CCDC88C: variants seen among roughly 807,000 people sequenced by gnomAD.
CCDC88C encodes the protein coiled-coil and HOOK domain protein 88C, also known as protein Daple.
Under a neutral mutation model 198.8 loss-of-function variants are expected in CCDC88C, and 131 were observed. The ratio of observed to expected loss-of-function variants is 0.66; its 90% CI spans 0.57 to 0.76. The LOEUF (loss-of-function observed/expected upper bound fraction) is 0.76, where lower values mean the gene tolerates loss of function less well. CCDC88C is among the 30% of genes least tolerant of loss of function. The pLI is 0.00. For missense variants in CCDC88C, 2,553 were observed against 2,631.6 expected (o/e 0.97, Z 0.65); for synonymous variants, 1,166 against 1,114.7 (o/e 1.05, Z -0.92).
chr14:91,392,352 C>T (rs1373585834), intron 3 of CCDC88C, among the ~76,000 whole-genome samples: 1 of 152,062 alleles, frequency 6.6e-6, no homozygotes, highest in East Asian at 1.9e-4. Flanking sequence ...AGGTGGGAGT[C>T]GGTGGACATG....
chr14:91,369,701 G>C (rs1426594238), intron 3 of CCDC88C, among the ~76,000 whole-genome samples: 1 of 152,250 alleles, frequency 6.6e-6, no homozygotes, highest in Non-Finnish European at 1.5e-5. Context: ...CTTCGGGGCG[G>C]GGAGTCCTGG....
intron 4 of CCDC88C, among the ~76,000 whole-genome samples, chr14:91,344,871 G>A (rs2139872309): frequency 1.3e-5 from 2 of 149,294 alleles, no homozygotes; most frequent in South Asian, 2.1e-4. Context: ...ATCATAGCTC[G>A]CTGCAGCTTC....
Position 91,338,285 on chromosome 14 carries a change from CG to C in CCDC88C, c.892-123del. 7 of 1,244,570 alleles carry C rather than the reference CG, an allele frequency of 5.6e-6. No individual in the cohort carries two copies. The highest frequency in any genetic ancestry group is 1.4e-5 in the South Asian group (1 of 70,286). 77.1% of individuals were successfully genotyped at this position (1,244,570 alleles called of 1,614,324 possible). On this transcript the variant is annotated intron_variant, in intron 9 of 29. Coordinates refer to ENST00000389857, the MANE Select transcript of CCDC88C (RefSeq NM_001080414.4). This position sits in a 1 kb window ranked among gnomAD's most constrained non-coding sequence, Gnocchi z 4.8. ...CCAGGACAAGCCAGCTCCTGGTGGC[CG>C]GGGGCCTCCATGTGCCACCACCACA... is the stretch of plus-strand genomic sequence containing the variant.
At position 91,359,540 on chromosome 14, in the gene CCDC88C, G is replaced by A. The variant is rs573180047; in HGVS notation, c.340+102C>T. 920 of 869,868 alleles carry A rather than the reference G, an allele frequency of 1.1e-3. 8 individuals carry two copies. The highest frequency in any genetic ancestry group is 9.0e-3 in the South Asian group (632 of 69,930). The allele number at this position is 869,868 out of a possible 1,614,324, so 53.9% of individuals were successfully genotyped here. A position where few individuals can be genotyped will look rare whatever the true frequency, so the allele number is the denominator to read the frequency against. ...ACCAAAACGATCACGTGTTTTCACT[G>A]TGCTGGCCCAAGCTGGCAGCCGGAG... On this transcript the variant is annotated intron_variant, in intron 4 of 29. Transcript: ENST00000389857.
chr14:91,313,465 G>T lies in CCDC88C; in HGVS notation c.2351C>A (p.Thr784Asn), dbSNP rs954912266. The T allele has an allele frequency of 6.2e-7, 1 of 1,607,694 alleles. No individual in the cohort carries two copies. The highest frequency in any genetic ancestry group is 8.5e-7 in the Non-Finnish European group (1 of 1,179,638). ...SLESSSHKTQ[T>N]LESELGELEA... Reference sequence around the variant, plus strand: ...CAGCTCGCCCAGCTCACTCTCCAAGGTCTGCGTCTTGTGGCTGCTGCTCTC... The same window carrying T: ...CAGCTCGCCCAGCTCACTCTCCAAGTTCTGCGTCTTGTGGCTGCTGCTCTC... Residue 784 changes from threonine to asparagine, a missense_variant, in exon 15 of 30, where the codon ACC becomes AAC. By Grantham distance (65) the Thr-to-Asn change is moderately conservative. This residue lies in a region of CCDC88C where 1,260 missense variants were observed against 1,412.0 expected (regional missense o/e 0.89). Transcript: ENST00000389857. The surrounding 1 kb of genome is among the most constrained non-coding windows in gnomAD (Gnocchi z 5.2).
In CCDC88C at chr14:91,325,952, C is replaced by T. The variant is rs756059813; in HGVS notation, c.1155G>A (p.Lys385=). Residue 385 remains lysine (K), a synonymous_variant, in exon 11 of 30, where the codon AAG becomes AAA. Coordinates refer to ENST00000389857, the MANE Select transcript of CCDC88C (RefSeq NM_001080414.4). The surrounding 1 kb of genome is among the most constrained non-coding windows in gnomAD (Gnocchi z 4.1). ...ARGDKVHELE[K]ENLQLKSKLH... ...GCTTGGATTTCAGCTGCAGGTTCTC[C>T]TTTTCCAGCTCATGGACTTTATCGC... 4.5e-6 allele frequency: 7 copies of T among 1,561,200 alleles called. 1 individual carries two copies. In the South Asian group the frequency reaches 8.2e-5, roughly 18 times the overall value.
Position 91,281,504 on chromosome 14 carries a change from A to G in CCDC88C, c.4652T>C (p.Leu1551Pro), listed in dbSNP as rs778368446. The G allele has an allele frequency of 1.9e-5, 31 of 1,613,792 alleles. No homozygotes were observed. Among genetic ancestry groups the G allele is most frequent in the Non-Finnish European group, 1.5e-5 (18 of 1,179,852 alleles). ...CTCAAACTCCAGGGATGGCTCACAG[A>G]GGTTGTCATCTGAGTTATAGCCTAA... ...RTKGYNSDDN[L>P]CEPSLEFEVP... Residue 1551 changes from leucine (L) to proline (P), a missense_variant, in exon 27 of 30, where the codon CTC (leucine) becomes CCC (proline). Around this residue, in one of 2 missense-constraint regions of CCDC88C, gnomAD observed 1,293 missense variants for 1,219.6 expected, o/e 1.06. Transcript: ENST00000389857.
chr14:91,333,761 GGT>G (rs1181256488), intron 10 of CCDC88C, among the ~76,000 whole-genome samples: 1 of 152,218 alleles, frequency 6.6e-6, no homozygotes, highest in Non-Finnish European at 1.5e-5. Context: ...TAGGGTCTAG[GGT>G]GGGGCCCAGG....
Position 91,339,779 on chromosome 14 carries a change from C to G in CCDC88C, c.624+105G>C. 7.5e-7 allele frequency: 1 copy of G among 1,335,752 alleles called. No individual in the cohort carries two copies. The highest frequency in any genetic ancestry group is 1.0e-6 in the Non-Finnish European group (1 of 1,004,192). 82.7% of individuals were successfully genotyped at this position (1,335,752 alleles called of 1,614,324 possible). A position where few individuals can be genotyped will look rare whatever the true frequency, so the allele number is the denominator to read the frequency against. On this transcript the variant is annotated intron_variant, in intron 7 of 29. Coordinates refer to ENST00000389857, the MANE Select transcript of CCDC88C (RefSeq NM_001080414.4). The surrounding 1 kb of genome is among the most constrained non-coding windows in gnomAD (Gnocchi z 5.8). ...CACGCACGTCCCACCCCCACCAGAA[C>G]CTCAGCAGCAGGACCGAGGCGTCTA...
At chr14:91,349,677 C>T (rs2139882956) in intron 4 of CCDC88C, among the ~76,000 whole-genome samples, 1 of 152,296 alleles carries the variant, frequency 6.6e-6, no homozygotes, top group South Asian at 2.1e-4. Context: ...ACCTTACTAC[C>T]TGCTTCCTGG....
intron 3 of CCDC88C, chr14:91,378,495 T>C (rs1285022599): frequency 1.3e-5 from 2 of 152,540 alleles, no homozygotes; most frequent in African/African-American, 2.4e-5. Flanking sequence ...TTTCACAATG[T>C]AATAACCACC....
intron 20 of CCDC88C, among the ~76,000 whole-genome samples, chr14:91,300,563 A>G (rs1157628965): frequency 6.6e-6 from 1 of 152,116 alleles, no homozygotes; most frequent in East Asian, 1.9e-4. Flanking sequence ...GCCTGCATCC[A>G]CTTGTTCTTA....
At chr14:91,300,543 C>G (rs181564842) in intron 20 of CCDC88C, among the ~76,000 whole-genome samples, 9 of 152,228 alleles carry the variant, frequency 5.9e-5, no homozygotes, top group African/African-American at 1.9e-4. Flanking sequence ...CTCTCCCTCT[C>G]CCCTTAGGAG....
At chr14:91,301,020 G>A (rs1891254930) in intron 20 of CCDC88C, among the ~76,000 whole-genome samples, 3 of 152,114 alleles carry the variant, frequency 2.0e-5, no homozygotes, top group Admixed American at 2.0e-4. Flanking sequence ...TTCTCTTCAG[G>A]ACTCCACTGC....
intron 10 of CCDC88C, 23 bp downstream of exon 10, chr14:91,337,982 G>C: frequency 1.2e-6 from 2 of 1,606,606 alleles, no homozygotes; most frequent in East Asian, 2.2e-5. Context: ...CCCATCCAGG[G>C]GCCTCACAGC....
intron 29 of CCDC88C, among the ~76,000 whole-genome samples, chr14:91,277,362 T>C (rs886921416): frequency 5.3e-5 from 8 of 152,178 alleles, no homozygotes; most frequent in Admixed American, 5.2e-4. Flanking sequence ...AAAAACGTAT[T>C]TCACATCATG....
At chr14:91,319,030 G>A (rs1892235072) in intron 13 of CCDC88C, among the ~76,000 whole-genome samples, 1 of 152,158 alleles carries the variant, frequency 6.6e-6, no homozygotes, top group South Asian at 2.1e-4. Context: ...GGCTGAGGTT[G>A]GAGAGGGAAA....
intron 19 of CCDC88C, 58 bp from the exon 20 acceptor site, chr14:91,304,036 G>C: frequency 1.3e-6 from 2 of 1,564,984 alleles, no homozygotes; most frequent in Non-Finnish European, 1.7e-6. Context: ...AGGAGGGCTG[G>C]GGAGCAGGTC....
Position 91,339,815 on chromosome 14 carries a change from G to T in CCDC88C, c.624+69C>A. ...GGACCGAGGCGTCTAGGCTGAAGAT[G>T]AAGGGAGAGGAGATGAAGGGGCCTA... On this transcript the variant is annotated intron_variant, in intron 7 of 29. Coordinates refer to ENST00000389857, the MANE Select transcript of CCDC88C (RefSeq NM_001080414.4). This position sits in a 1 kb window ranked among gnomAD's most constrained non-coding sequence, Gnocchi z 5.8. 1 of 1,470,232 alleles carries T rather than the reference G, an allele frequency of 6.8e-7. No individual in the cohort carries two copies. The highest frequency in any genetic ancestry group is 2.5e-4 in the Middle Eastern group (1 of 4,054). 91.1% of individuals were successfully genotyped at this position (1,470,232 alleles called of 1,614,324 possible). A position where few individuals can be genotyped will look rare whatever the true frequency, so the allele number is the denominator to read the frequency against.
Sources: allele counts gnomAD v4.1 joint callset (sites outside exome capture counted in the v4.1 genomes callset), GRCh38; gene constraint gnomAD v4.1.1; regional missense constraint gnomAD v4.1.1; non-coding constraint Gnocchi (gnomAD v3.1); transcripts MANE v1.5; gene names NCBI Gene and HGNC (gene_info 2026-07-23, HGNC 2026-07-21).